Variants in ADCY7 observed in about 807,000 individuals in gnomAD.
The protein encoded by ADCY7 is adenylate cyclase type 7.
In ADCY7, 72 loss-of-function variants were observed where a neutral mutation model predicts 120.6. The ratio of observed to expected loss-of-function variants is 0.60; its 90% CI spans 0.49 to 0.73. The LOEUF is 0.73. ADCY7 is among the 30% of genes least tolerant of loss of function. The pLI is 0.00. For missense variants in ADCY7, 1,227 were observed against 1,486.0 expected (o/e 0.83, Z 2.87); for synonymous variants, 661 against 628.0 (o/e 1.05, Z -0.78).
chr16:50,285,948 A>G (rs571974282), intron 1 of ADCY7, among the ~76,000 whole-genome samples: 5 of 152,264 alleles, frequency 3.3e-5, no homozygotes, highest in Admixed American at 3.3e-4. Context: ...TGCTGGGGAA[A>G]GAAGGAACCC....
chr16:50,292,133 C>T (rs904058844), intron 4 of ADCY7, among the ~76,000 whole-genome samples: 2 of 152,210 alleles, frequency 1.3e-5, no homozygotes, highest in African/African-American at 4.8e-5. Context: ...CCCTCAGGGT[C>T]GTGACCTCAG....
At chr16:50,248,962 C>T (rs534046721) in intron 1 of ADCY7, among the ~76,000 whole-genome samples, 3 of 152,250 alleles carry the variant, frequency 2.0e-5, no homozygotes, top group South Asian at 2.1e-4. Flanking sequence ...TGGCTCATGG[C>T]GGTTGGGAAG....
chr16:50,313,098 T>C (rs2036575626), intron 22 of ADCY7, 62 bp downstream of exon 22: 1 of 1,596,924 alleles, frequency 6.3e-7, no homozygotes, highest in South Asian at 1.1e-5. Context: ...GGAAGGGCGG[T>C]GGCACCTGCC....
chr16:50,299,372 G>C (rs962233789), intron 8 of ADCY7, among the ~76,000 whole-genome samples: 2 of 152,238 alleles, frequency 1.3e-5, no homozygotes, highest in Non-Finnish European at 2.9e-5. Context: ...GGACCTTTCC[G>C]ACCCAGGGGT....
rs1193959196 is a variant in ADCY7 at position 50,297,275 on chromosome 16, A to G, written c.949-1629A>G. 6.6e-6 allele frequency among the ~76,000 whole-genome samples: 1 copy of G among 152,198 alleles called. No individual in the cohort carries two copies. Among genetic ancestry groups the G allele is most frequent in the Non-Finnish European group, 1.5e-5 (1 of 68,040 alleles). ...AGCCAGGGCCTCCTCTCTCAGAGGCATACAAGTCACACCTCCGCACAAGAC... is the reference window on the plus strand; with the variant it reads ...AGCCAGGGCCTCCTCTCTCAGAGGCGTACAAGTCACACCTCCGCACAAGAC... On this transcript the variant is annotated intron_variant, in intron 7 of 25. Coordinates refer to ENST00000673801, the MANE Select transcript of ADCY7 (RefSeq NM_001114.5). The surrounding 1 kb of genome is among the most constrained non-coding windows in gnomAD (Gnocchi z 4.4).
At position 50,305,523 on chromosome 16, in the gene ADCY7, G is replaced by A. The variant is rs538219752; in HGVS notation, c.1616G>A (p.Arg539Gln). Residue 539 changes from arginine to glutamine, a missense_variant, in exon 13 of 26, where the codon CGG becomes CAG. Arg to Gln is a conservative substitution (Grantham distance 43). This residue lies in a region of ADCY7 where 332 missense variants were observed against 455.8 expected (regional missense o/e 0.73). Coordinates refer to ENST00000673801, the MANE Select transcript of ADCY7 (RefSeq NM_001114.5). ...TPDRSMSPKG[R>Q]SEDDSYDDEM... ...TCCAGAAGCATGTCCCCCAAGGGGC[G>A]GTCGGAGGATGACTCGTACGATGAC... is the stretch of plus-strand genomic sequence containing the variant. The A allele has an allele frequency of 9.3e-6, 15 of 1,611,806 alleles. No individual in the cohort carries two copies. Among genetic ancestry groups the A allele is most frequent in the Non-Finnish European group, 1.2e-5 (14 of 1,178,938 alleles).
At position 50,294,629 on chromosome 16, in the gene ADCY7, C is replaced by CCCCAA; in HGVS notation, c.837-9_837-8insCAACC. On this transcript the variant is annotated splice_polypyrimidine_tract_variant and intron_variant, in intron 6 of 25. Coordinates refer to ENST00000673801, the MANE Select transcript of ADCY7 (RefSeq NM_001114.5). Reference sequence around the variant, plus strand: ...GCTCTGACACTCCCTCCCACCCTGCCCCATCCCCAGCATCCTCTATGCGGA... The same window carrying CCCCAA: ...GCTCTGACACTCCCTCCCACCCTGCCCCCAACCATCCCCAGCATCCTCTATGCGGA... The CCCCAA allele has an allele frequency of 6.5e-7, 1 of 1,531,748 alleles. No homozygotes were observed. The highest frequency in any genetic ancestry group is 9.0e-7 in the Non-Finnish European group (1 of 1,111,194). The allele number at this position is 1,531,748 out of a possible 1,614,324, so 94.9% of individuals were successfully genotyped here.
upstream of ADCY7, among the ~76,000 whole-genome samples, chr16:50,245,606 T>C (rs1253892992): frequency 6.6e-6 from 1 of 152,022 alleles, no homozygotes; most frequent in Admixed American, 6.6e-5. Context: ...GGGTGGTCGC[T>C]GTCATCTCCC....
chr16:50,308,418 G>A lies in ADCY7; in HGVS notation c.1935+7G>A, dbSNP rs1297732403. The A allele has an allele frequency of 6.2e-7, 1 of 1,614,002 alleles. No homozygotes were observed. On this transcript the variant is annotated splice_region_variant and intron_variant, in intron 16 of 25. Coordinates refer to ENST00000673801, the MANE Select transcript of ADCY7 (RefSeq NM_001114.5). Reference sequence around the variant, plus strand: ...CTTTGCCACCAAGTTCTCGGTAAGTGGGGAGCTCTGGCCCCGCGGGCCCTC... The same window carrying A: ...CTTTGCCACCAAGTTCTCGGTAAGTAGGGAGCTCTGGCCCCGCGGGCCCTC...
At chr16:50,245,180 C>T (rs2032542762), upstream of ADCY7, among the ~76,000 whole-genome samples, 1 of 152,182 alleles carries the variant, frequency 6.6e-6, no homozygotes, top group Non-Finnish European at 1.5e-5. Context: ...TTTCTGCTAC[C>T]TGTTTGTCAT....
At chr16:50,314,184 C>T in intron 23 of ADCY7, 108 bp from the exon 24 acceptor site, 1 of 1,412,496 alleles carries the variant, frequency 7.1e-7, no homozygotes, top group Non-Finnish European at 9.9e-7. Context: ...TTGTAGGGCT[C>T]AGCCAGGATT....
intron 1 of ADCY7, among the ~76,000 whole-genome samples, chr16:50,249,063 A>T (rs1291084679): frequency 6.6e-6 from 1 of 151,000 alleles, no homozygotes; most frequent in African/African-American, 2.4e-5. Flanking sequence ...AGCCTGCACC[A>T]CTCCCACCTC....
rs180994423 is a variant in ADCY7, at chr16:50,270,916, C to T, written c.-269+4236C>T. On this transcript the variant is annotated intron_variant, in intron 1 of 25. Transcript: ENST00000673801. ...GTGCCGGGGATCCCGCCAGCCCCCT[C>T]ATCTGTGCAGTGGCCCCCTCCCCAC... is the stretch of plus-strand genomic sequence containing the variant. 9.6e-3 allele frequency among the ~76,000 whole-genome samples: 1,467 copies of T among 152,300 alleles called. 7 individuals carry two copies. Among genetic ancestry groups the T allele is most frequent in the Non-Finnish European group, 0.015 (1,049 of 68,038 alleles).
At chr16:50,253,373 C>G (rs1486364638) in intron 1 of ADCY7, among the ~76,000 whole-genome samples, 1 of 152,198 alleles carries the variant, frequency 6.6e-6, no homozygotes, top group Admixed American at 6.5e-5. Flanking sequence ...GTCTCAGCTT[C>G]CTGAGTAGCT....
At chr16:50,247,118 A>G (rs112672576) in intron 1 of ADCY7, among the ~76,000 whole-genome samples, 6,179 of 152,270 alleles carry the variant, frequency 0.041, 156 homozygotes, top group African/African-American at 0.063. Context: ...GGGTGAGGCT[A>G]CAGCTGTGGG....
chr16:50,258,233 C>T (rs900863699), intron 1 of ADCY7, among the ~76,000 whole-genome samples: 2 of 152,084 alleles, frequency 1.3e-5, no homozygotes, highest in Admixed American at 6.6e-5. Flanking sequence ...GAGCCCCTGT[C>T]TCTTTAAAAA....
chr16:50,255,236 G>A (rs1388673758), intron 1 of ADCY7, among the ~76,000 whole-genome samples: 1 of 151,266 alleles, frequency 6.6e-6, no homozygotes, highest in Non-Finnish European at 1.5e-5. Flanking sequence ...GCTTGAGGTT[G>A]CAGTGAGCTA....
At chr16:50,255,402 G>GAAAAAAAAAAAAAAA (rs60335173) in intron 1 of ADCY7, among the ~76,000 whole-genome samples, 4 of 108,136 alleles carry the variant, frequency 3.7e-5, no homozygotes, top group African/African-American at 1.5e-4. Context: ...TCTGTTTCTG[G>GAAAAAAAAAAAAAAA]AAAAAAAAAA....
intron 1 of ADCY7, among the ~76,000 whole-genome samples, chr16:50,246,775 G>A (rs919285224): frequency 9.2e-5 from 14 of 152,238 alleles, no homozygotes; most frequent in African/African-American, 3.4e-4. Flanking sequence ...AAACCCAGAT[G>A]CCTTGCACAT....
Sources: allele counts gnomAD v4.1 joint callset (sites outside exome capture counted in the v4.1 genomes callset), GRCh38; gene constraint gnomAD v4.1.1; regional missense constraint gnomAD v4.1.1; non-coding constraint Gnocchi (gnomAD v3.1); transcripts MANE v1.5; gene names NCBI Gene and HGNC (gene_info 2026-07-23, HGNC 2026-07-21).